The following NUP98 variants were observed in gnomAD, a reference collection of about 807,000 sequenced individuals.
NUP98 encodes nuclear pore complex protein Nup98-Nup96.
A neutral mutation model predicts 191.9 loss-of-function variants in NUP98; 26 were observed. The observed-to-expected ratio is 0.14, with a 90% CI of 0.10 to 0.19. NUP98 has a LOEUF of 0.19. NUP98 is among the 10% of genes least tolerant of loss of function. The pLI is 1.00. For missense variants in NUP98, 1,941 were observed against 2,178.8 expected (o/e 0.89, Z 2.17); for synonymous variants, 808 against 778.4 (o/e 1.04, Z -0.63).
At chr11:3,781,998 G>C in intron 2 of NUP98, 44 bp downstream of exon 2, 2 of 1,304,408 alleles carry the variant, frequency 1.5e-6, no homozygotes, top group Non-Finnish European at 2.2e-6. Flanking sequence ...TCTTAGTAAG[G>C]GAGATTAAGG....
intron 10 of NUP98, among the ~76,000 whole-genome samples, chr11:3,758,603 G>A (rs534646869): frequency 2.0e-5 from 3 of 152,196 alleles, no homozygotes; most frequent in South Asian, 2.1e-4. Context: ...TCGCCAACAC[G>A]GTGAAACCCC....
In NUP98 at chr11:3,699,089, C is replaced by A. The variant is rs1183772435; in HGVS notation, c.4002G>T (p.Gln1334His). 4 of 1,612,408 alleles carry A rather than the reference C, an allele frequency of 2.5e-6. No homozygotes were observed. The highest frequency in any genetic ancestry group is 3.4e-6 in the Non-Finnish European group (4 of 1,179,902). ...ACCATATGCCTTCCCCACCTGACTG[C>A]TGGGCCAGAGAGCAGGCCTCACTGA... ...KRISEACSLA[Q>H]QSGDHRLALL... is the part of the protein sequence containing the mutation. Residue 1334 changes from glutamine (Q) to histidine (H), a missense_variant, in exon 25 of 33, where the codon CAG becomes CAT. Gln to His is a conservative substitution (Grantham distance 24). Around this residue, in one of 6 missense-constraint regions of NUP98, gnomAD observed 1,030 missense variants for 1,115.8 expected, o/e 0.92. Transcript: ENST00000324932.
At chr11:3,726,958 G>A (rs760911666) in intron 14 of NUP98, among the ~76,000 whole-genome samples, 21 of 151,988 alleles carry the variant, frequency 1.4e-4, no homozygotes, top group African/African-American at 5.1e-4. Flanking sequence ...TAGAGACAAG[G>A]TCTCATTTTG....
At chr11:3,709,605 T>C (rs968217539) in intron 20 of NUP98, among the ~76,000 whole-genome samples, 1 of 150,926 alleles carries the variant, frequency 6.6e-6, no homozygotes, top group Non-Finnish European at 1.5e-5. Flanking sequence ...CTTGGGAGGT[T>C]GAGGTGGGAA....
intron 24 of NUP98, 111 bp downstream of exon 24, chr11:3,700,499 G>T: frequency 4.6e-6 from 3 of 646,332 alleles, no homozygotes; most frequent in Non-Finnish European, 2.6e-6. Context: ...AAAATGACAA[G>T]CACAGGCATT....
intron 16 of NUP98, among the ~76,000 whole-genome samples, chr11:3,722,839 C>T (rs976758674): frequency 2.6e-5 from 4 of 152,018 alleles, no homozygotes; most frequent in Admixed American, 2.0e-4. Context: ...AAACAAAAAA[C>T]AATAAGCAAT....
intron 14 of NUP98, among the ~76,000 whole-genome samples, chr11:3,727,848 A>T (rs1414368243): frequency 6.6e-6 from 1 of 151,998 alleles, no homozygotes; most frequent in Non-Finnish European, 1.5e-5. Context: ...ACACAGCAAG[A>T]TCCTGTCTCT....
chr11:3,704,776 C>T (rs994438875), intron 22 of NUP98, among the ~76,000 whole-genome samples: 1 of 152,182 alleles, frequency 6.6e-6, no homozygotes, highest in East Asian at 1.9e-4. Flanking sequence ...GAAGCTGAGG[C>T]AGGATGATCA....
chr11:3,677,253 A>C (rs1420533160), intron 31 of NUP98, among the ~76,000 whole-genome samples: 1 of 152,158 alleles, frequency 6.6e-6, no homozygotes, highest in Admixed American at 6.5e-5. Flanking sequence ...ATTTAAATTG[A>C]GACCTGAATA....
Position 3,797,482 on chromosome 11 carries a change from A to G in NUP98, c.-111T>C, listed in dbSNP as rs2082729302. 2.3e-6 allele frequency: 1 copy of G among 432,582 alleles called. No individual in the cohort carries two copies. Among genetic ancestry groups the G allele is most frequent in the Non-Finnish European group, 4.1e-6 (1 of 246,428 alleles). 26.8% of individuals were successfully genotyped at this position (432,582 alleles called of 1,614,324 possible). On this transcript the variant is annotated 5_prime_UTR_variant, in exon 1 of 33. Coordinates refer to ENST00000324932, the MANE Select transcript of NUP98 (RefSeq NM_016320.5). The stretch of plus-strand genomic sequence containing the variant: ...CAGAGCAGCGCGCGGCCCCCACGAA[A>G]CCGTCGCCGCCGCCGCTACCACCCC...
At chr11:3,689,834 G>A (rs1280937691) in intron 28 of NUP98, among the ~76,000 whole-genome samples, 1 of 151,010 alleles carries the variant, frequency 6.6e-6, no homozygotes, top group African/African-American at 2.4e-5. Context: ...ACAGGGTTTT[G>A]CCATATTGCC....
chr11:3,739,671 A>T (rs2080206318), intron 12 of NUP98, among the ~76,000 whole-genome samples: 1 of 152,060 alleles, frequency 6.6e-6, no homozygotes, highest in Non-Finnish European at 1.5e-5. Context: ...TATATATATA[A>T]ACCCACAATG....
At chr11:3,744,067 A>G (rs954255412) in intron 12 of NUP98, among the ~76,000 whole-genome samples, 1 of 152,176 alleles carries the variant, frequency 6.6e-6, no homozygotes, top group African/African-American at 2.4e-5. Flanking sequence ...TCAAAAAAAT[A>G]AAATAAAGAA....
chr11:3,687,927 G>A (rs867488229), intron 28 of NUP98, among the ~76,000 whole-genome samples: 1 of 152,264 alleles, frequency 6.6e-6, no homozygotes, highest in Middle Eastern at 3.4e-3. Flanking sequence ...TTTTAGCAAA[G>A]ATGTACAGAT....
Position 3,699,287 on chromosome 11 carries a change from C to T in NUP98, c.3804G>A (p.Glu1268=). The part of the protein sequence containing the change: ...LCEALWGHLK[E]LDSQLNEPRE... ...GGGGTTCATTTAGCTGGCTGTCAAG[C>T]TCCTTCAGGTGGCCCCATAGGGCTT... The change falls in exon 25 of 33, where the codon GAG becomes GAA. Residue 1268 remains glutamate (E), a synonymous_variant. Coordinates refer to ENST00000324932, the MANE Select transcript of NUP98 (RefSeq NM_016320.5). The T allele has an allele frequency of 6.2e-7, 1 of 1,614,182 alleles. No homozygotes were observed. Among genetic ancestry groups the T allele is most frequent in the Non-Finnish European group, 8.5e-7 (1 of 1,180,026 alleles).
chr11:3,754,334 G>A (rs1330269238), intron 10 of NUP98, among the ~76,000 whole-genome samples: 5 of 152,176 alleles, frequency 3.3e-5, no homozygotes, highest in African/African-American at 4.8e-5. Context: ...GCTGAGGCAG[G>A]AGTATCACTT....
At chr11:3,708,137 G>C (rs796464842) in intron 20 of NUP98, among the ~76,000 whole-genome samples, 5 of 152,206 alleles carry the variant, frequency 3.3e-5, no homozygotes, top group African/African-American at 9.6e-5. Flanking sequence ...GGTCGTGAAG[G>C]CTTGATAAAA....
At chr11:3,709,035 T>G (rs541261534) in intron 20 of NUP98, among the ~76,000 whole-genome samples, 1 of 152,190 alleles carries the variant, frequency 6.6e-6, no homozygotes, top group Non-Finnish European at 1.5e-5. Flanking sequence ...CTGTTCCTCA[T>G]TGAAACAAGG....
intron 4 of NUP98, 76 bp from the exon 5 acceptor site, chr11:3,776,097 A>T: frequency 9.4e-7 from 1 of 1,060,468 alleles, no homozygotes. Flanking sequence ...GAATTGGGCT[A>T]TGGCACTAGC....
Sources: allele counts gnomAD v4.1 joint callset (sites outside exome capture counted in the v4.1 genomes callset), GRCh38; gene constraint gnomAD v4.1.1; regional missense constraint gnomAD v4.1.1; transcripts MANE v1.5; gene names NCBI Gene and HGNC (gene_info 2026-07-23, HGNC 2026-07-21).